Variants in NCBP3 observed in about 807,000 individuals in gnomAD.
NCBP3 encodes the protein nuclear cap-binding protein subunit 3.
In NCBP3, 20 loss-of-function variants were observed where a neutral mutation model predicts 75.7. The observed-to-expected ratio is 0.26, with a 90% CI of 0.19 to 0.38. NCBP3 has a LOEUF of 0.38. Ranked by LOEUF, NCBP3 falls within the 10% of genes least tolerant of loss-of-function variation. NCBP3 has a pLI of 1.00. For synonymous variants in NCBP3, 293 were observed against 290.5 expected (o/e 1.01, Z -0.09); for missense variants, 678 against 796.9 (o/e 0.85, Z 1.80).
At position 3,814,269 on chromosome 17, in the gene NCBP3, T is replaced by G. The variant is rs547199084; in HGVS notation, c.1627+53A>C. 2.5e-6 allele frequency: 4 copies of G among 1,573,428 alleles called. No individual in the cohort carries two copies. The South Asian group carries it at 4.6e-5, about 18-fold the overall frequency. On this transcript the variant is annotated intron_variant, in intron 12 of 12. Transcript: ENST00000389005. ...GAAAGTATTTCTCCAATACACCCAC[T>G]GTCCTCTGCTCTCACTGAATCCCCA...
intron 10 of NCBP3, 146 bp from the exon 11 acceptor site, chr17:3,816,416 A>C: frequency 1.3e-6 from 1 of 749,564 alleles, no homozygotes; most frequent in Non-Finnish European, 2.1e-6. Flanking sequence ...ATAAACTTAT[A>C]ATTATTTGCT....
rs528754451 is a variant in NCBP3, at chr17:3,819,131, T to C, written c.1001-559A>G. Among the ~76,000 whole-genome samples, 9 of 152,262 alleles carry C rather than the reference T, an allele frequency of 5.9e-5. No individual in the cohort carries two copies. The South Asian group carries it at 6.2e-4, about 11-fold the overall frequency. On this transcript the variant is annotated intron_variant, in intron 9 of 12. Coordinates refer to ENST00000389005, the MANE Select transcript of NCBP3 (RefSeq NM_001114118.3). Reference sequence around the variant, plus strand: ...CGAAGTGCTGCCTAGTGTTCCTAGATGCAAGGGGGCTGTGATGTGCCTTGT... The same window carrying C: ...CGAAGTGCTGCCTAGTGTTCCTAGACGCAAGGGGGCTGTGATGTGCCTTGT...
rs2053835633 is a variant in NCBP3 at position 3,829,160 on chromosome 17, G to A, written c.481+83C>T. 89 of 1,465,174 alleles carry A rather than the reference G, an allele frequency of 6.1e-5. 1 individual carries two copies. In the South Asian group the frequency reaches 1.1e-3, roughly 18 times the overall value. The allele number at this position is 1,465,174 out of a possible 1,614,324, so 90.8% of individuals were successfully genotyped here. On this transcript the variant is annotated intron_variant, in intron 4 of 12. Coordinates refer to ENST00000389005, the MANE Select transcript of NCBP3 (RefSeq NM_001114118.3). ...CGGCATAAACAAGTAGTATGGGCCA[G>A]AACCATTCACCATCTCTGATGGCAA...
chr17:3,814,641 G>C (rs901775620), intron 11 of NCBP3, among the ~76,000 whole-genome samples, 158 bp from the exon 12 acceptor site: 10 of 152,064 alleles, frequency 6.6e-5, no homozygotes, highest in Non-Finnish European at 1.3e-4. Context: ...AATCAGTCTG[G>C]ATTTCCTTAG....
At chr17:3,826,745 GAA>G (rs1032057226) in intron 4 of NCBP3, among the ~76,000 whole-genome samples, 10 of 143,026 alleles carry the variant, frequency 7.0e-5, no homozygotes, top group Admixed American at 4.9e-4. Flanking sequence ...ATGAAAGAAA[GAA>G]AAAGAGAGAG....
At chr17:3,833,648 T>TA (rs200503240) in intron 3 of NCBP3, among the ~76,000 whole-genome samples, 26,221 of 150,526 alleles carry the variant, frequency 0.17, 2,851 homozygotes, top group Non-Finnish European at 0.24. Flanking sequence ...CTATTTTTTT[T>TA]AAAAAAAAAG....
chr17:3,828,217 C>A (rs937272126), intron 4 of NCBP3, among the ~76,000 whole-genome samples: 52 of 152,224 alleles, frequency 3.4e-4, no homozygotes, highest in African/African-American at 1.2e-3. Flanking sequence ...CCGTGCCTGG[C>A]CTACCGCCTG....
In NCBP3 at chr17:3,818,111, G is replaced by A; in HGVS notation, c.1310+152C>T. On this transcript the variant is annotated intron_variant, in intron 10 of 12. Coordinates refer to ENST00000389005, the MANE Select transcript of NCBP3 (RefSeq NM_001114118.3). The surrounding 1 kb of genome is among the most constrained non-coding windows in gnomAD (Gnocchi z 4.7). ...GTTTTTATAACAAGAATCACTGCTT[G>A]TATAGAGGAAATACTGGATGCGTTT... The A allele has an allele frequency of 3.1e-6, 2 of 652,868 alleles. No homozygotes were observed. The highest frequency in any genetic ancestry group is 4.9e-6 in the Non-Finnish European group (2 of 407,410). The allele number at this position is 652,868 out of a possible 1,614,324, so 40.4% of individuals were successfully genotyped here.
intron 3 of NCBP3, among the ~76,000 whole-genome samples, chr17:3,833,013 G>A (rs980443033): frequency 6.6e-6 from 1 of 152,146 alleles, no homozygotes; most frequent in Admixed American, 6.5e-5. Flanking sequence ...ACTTTGGGAG[G>A]CTGAGGTGGG....
chr17:3,821,936 G>C lies in NCBP3; in HGVS notation c.896+17C>G, dbSNP rs374299390. Reference sequence around the variant, plus strand: ...GAAAAACTCAAATACTATTGCATTTGAAGGTTTTGGACTCACCATGAATTG... The same window carrying C: ...GAAAAACTCAAATACTATTGCATTTCAAGGTTTTGGACTCACCATGAATTG... On this transcript the variant is annotated intron_variant, in intron 8 of 12. Transcript: ENST00000389005. 45 of 1,514,414 alleles carry C rather than the reference G, an allele frequency of 3.0e-5. No homozygotes were observed. The highest frequency in any genetic ancestry group is 4.1e-5 in the Non-Finnish European group (45 of 1,098,142). 93.8% of individuals were successfully genotyped at this position (1,514,414 alleles called of 1,614,324 possible). A position where few individuals can be genotyped will look rare whatever the true frequency, so the allele number is the denominator to read the frequency against.
In NCBP3 at chr17:3,803,377, A is replaced by G. The variant is rs1247893509; in HGVS notation, c.*9667T>C. On this transcript the variant is annotated 3_prime_UTR_variant, in exon 13 of 13. Transcript: ENST00000389005. ...CTGGACCAGAAAAACAACGGCTTTC[A>G]AAATCATTATTGGGACAGTTGGCAA... is the stretch of plus-strand genomic sequence containing the variant. 2.0e-5 allele frequency: 3 copies of G among 152,252 alleles called. No homozygotes were observed. The highest frequency in any genetic ancestry group is 2.9e-5 in the Non-Finnish European group (2 of 68,046). The allele number at this position is 152,252 out of a possible 1,614,324, so 9.4% of individuals were successfully genotyped here. A position where few individuals can be genotyped will look rare whatever the true frequency, so the allele number is the denominator to read the frequency against.
chr17:3,844,356 T>C (rs1039583772), intron 1 of NCBP3, among the ~76,000 whole-genome samples: 1 of 152,224 alleles, frequency 6.6e-6, no homozygotes. Flanking sequence ...CTTCCATTAG[T>C]ACTACAGAAG....
chr17:3,827,902 C>T (rs371895017), intron 4 of NCBP3, among the ~76,000 whole-genome samples: 1 of 152,236 alleles, frequency 6.6e-6, no homozygotes, highest in Admixed American at 6.5e-5. Context: ...CACACATCTA[C>T]CACCTGCTTT....
At chr17:3,836,223 G>C (rs2053969036) in intron 3 of NCBP3, among the ~76,000 whole-genome samples, 1 of 152,166 alleles carries the variant, frequency 6.6e-6, no homozygotes, top group Non-Finnish European at 1.5e-5. Context: ...AAGAAGCTAG[G>C]TCACTTAAAT....
In NCBP3 at chr17:3,812,034, T is replaced by C. The variant is rs1597390086; in HGVS notation, c.*1010A>G. The C allele has an allele frequency of 6.6e-6, 1 of 152,066 alleles. No individual in the cohort carries two copies. Among genetic ancestry groups the C allele is most frequent in the Non-Finnish European group, 1.5e-5 (1 of 68,018 alleles). The allele number at this position is 152,066 out of a possible 1,614,324, so 9.4% of individuals were successfully genotyped here. On this transcript the variant is annotated 3_prime_UTR_variant, in exon 13 of 13. Transcript: ENST00000389005. Reference sequence around the variant, plus strand: ...ATAAACAACAGGACCCCATCTCAGATGGATGGATTTTTTTTCCTACTGGAG... The same window carrying C: ...ATAAACAACAGGACCCCATCTCAGACGGATGGATTTTTTTTCCTACTGGAG...
intron 3 of NCBP3, among the ~76,000 whole-genome samples, chr17:3,839,028 AAC>A (rs1454907131): frequency 2.6e-5 from 4 of 152,340 alleles, no homozygotes; most frequent in South Asian, 2.1e-4. Flanking sequence ...ATTTGCAAAT[AAC>A]ACAGAGGGAA....
intron 1 of NCBP3, among the ~76,000 whole-genome samples, chr17:3,843,546 T>C (rs2054104724): frequency 1.3e-5 from 2 of 152,136 alleles, no homozygotes; most frequent in Admixed American, 6.5e-5. Flanking sequence ...GTTCTTTCTG[T>C]TTTTCTGTTT....
intron 10 of NCBP3, among the ~76,000 whole-genome samples, chr17:3,817,277 G>A (rs1324750416): frequency 6.6e-6 from 1 of 152,100 alleles, no homozygotes; most frequent in Non-Finnish European, 1.5e-5. Context: ...TAATAGCTAA[G>A]GCTGGTGAGC....
At chr17:3,843,243 C>CTT (rs5818919) in intron 1 of NCBP3, 92 bp from the exon 2 acceptor site, 23,930 of 686,306 alleles carry the variant, frequency 0.035, 14 homozygotes, top group East Asian at 0.038. Context: ...TTCTTTTTTC[C>CTT]TTTTTTTTTT....
Sources: gnomAD v4.1 joint callset for allele counts (sites outside exome capture counted in the v4.1 genomes callset) on GRCh38, gnomAD v4.1.1 for gene constraint, Gnocchi (gnomAD v3.1) non-coding constraint, MANE v1.5 for transcripts, NCBI Gene and HGNC (gene_info 2026-07-23, HGNC 2026-07-21) for gene names.